SPATA2: variants seen among roughly 807,000 people sequenced by gnomAD.
The protein encoded by SPATA2 is spermatogenesis-associated protein 2.
SPATA2 carries 8 observed loss-of-function variants against 35.4 expected under a neutral mutation model. The observed-to-expected ratio is 0.23, with a 90% CI of 0.13 to 0.41. The LOEUF (loss-of-function observed/expected upper bound fraction) is 0.41. Among genes scored for constraint, SPATA2 ranks in the 10% least tolerant of loss-of-function variants. The pLI is 1.00. For missense variants in SPATA2, 650 were observed against 698.7 expected (o/e 0.93, Z 0.79); for synonymous variants, 293 against 300.9 (o/e 0.97, Z 0.27).
Position 49,905,532 on chromosome 20 carries a change from C to T in SPATA2, c.*87G>A. 2 of 1,482,388 alleles carry T rather than the reference C, an allele frequency of 1.3e-6. No individual in the cohort carries two copies. The highest frequency in any genetic ancestry group is 1.8e-6 in the Non-Finnish European group (2 of 1,086,008). The allele number at this position is 1,482,388 out of a possible 1,614,324, so 91.8% of individuals were successfully genotyped here. On this transcript the variant is annotated 3_prime_UTR_variant, in exon 3 of 3. Coordinates refer to ENST00000289431, the MANE Select transcript of SPATA2 (RefSeq NM_006038.4). The stretch of plus-strand genomic sequence containing the variant: ...CATGGTCAAGTGCAGGCCTCCGCCT[C>T]TGAGATCAATGCGTTAGTACTTCTT...
At position 49,904,024 on chromosome 20, in the gene SPATA2, TCA is replaced by T. The variant is rs1284335519; in HGVS notation, c.*1593_*1594del. ...CTGAGTTGGAAGAACATCAGCAAAT[TCA>T]CAGTGGCCTCAGGATTCAGCCAGAC... On this transcript the variant is annotated 3_prime_UTR_variant, in exon 3 of 3. Coordinates refer to ENST00000289431, the MANE Select transcript of SPATA2 (RefSeq NM_006038.4). 7 of 149,518 alleles carry T rather than the reference TCA, an allele frequency of 4.7e-5. No homozygotes were observed. Among genetic ancestry groups the T allele is most frequent in the African/African-American group, 1.5e-4 (6 of 40,112 alleles). 9.3% of individuals were successfully genotyped at this position (149,518 alleles called of 1,614,324 possible).
At chr20:49,910,320 C>T (rs148843574) in intron 1 of SPATA2, among the ~76,000 whole-genome samples, 284 of 152,246 alleles carry the variant, frequency 1.9e-3, no homozygotes, top group Middle Eastern at 3.4e-3. Context: ...CCAGAGCTGG[C>T]GAGAGGATTA....
At chr20:49,907,692 A>G (rs2090156458) in intron 2 of SPATA2, among the ~76,000 whole-genome samples, 1 of 151,064 alleles carries the variant, frequency 6.6e-6, no homozygotes, top group African/African-American at 2.4e-5. Flanking sequence ...TCCCTCTCTC[A>G]ATTCCCCCTC....
At position 49,903,948 on chromosome 20, in the gene SPATA2, TATATTA is replaced by T. The variant is rs1466486457; in HGVS notation, c.*1665_*1670del. 4.6e-5 allele frequency: 4 copies of T among 86,696 alleles called. No individual in the cohort carries two copies. Among genetic ancestry groups the T allele is most frequent in the South Asian group, 3.8e-4 (1 of 2,636 alleles). The allele number at this position is 86,696 out of a possible 1,614,324, so 5.4% of individuals were successfully genotyped here. ...ATATATATATATATATATATATATA[TATATTA>T]AAAAGAGAGCCATAGAAGATTTGGA... On this transcript the variant is annotated 3_prime_UTR_variant, in exon 3 of 3. Coordinates refer to ENST00000289431, the MANE Select transcript of SPATA2 (RefSeq NM_006038.4).
Position 49,908,531 on chromosome 20 carries a change from G to A in SPATA2, c.-41C>T. The A allele has an allele frequency of 6.6e-7, 1 of 1,504,774 alleles. No homozygotes were observed. The highest frequency in any genetic ancestry group is 9.1e-7 in the Non-Finnish European group (1 of 1,104,900). 93.2% of individuals were successfully genotyped at this position (1,504,774 alleles called of 1,614,324 possible). A position where few individuals can be genotyped will look rare whatever the true frequency, so the allele number is the denominator to read the frequency against. On this transcript the variant is annotated 5_prime_UTR_variant, in exon 2 of 3. Transcript: ENST00000289431. ...TACCTTATCTCCTCCATGGCTTCTG[G>A]ATTAGAGGCAGGGACATCACTAAAA...
In SPATA2 at chr20:49,906,024, G is replaced by A. The variant is rs142896893; in HGVS notation, c.1158C>T (p.Cys386=). Residue 386 remains cysteine, a synonymous_variant, in exon 3 of 3, where the codon TGC becomes TGT. Transcript: ENST00000289431. This position sits in a 1 kb window ranked among gnomAD's most constrained non-coding sequence, Gnocchi z 8.2. Reference sequence around the variant, plus strand: ...AGAGGGAGGAGCTGCAGGACAGCCCGCAGCTTTGGCACTTGGAGAGGGCGG... The same window carrying A: ...AGAGGGAGGAGCTGCAGGACAGCCCACAGCTTTGGCACTTGGAGAGGGCGG... ...KESALSKCQS[C]GLSCSSSLCQ... 1.6e-4 allele frequency: 261 copies of A among 1,605,188 alleles called. No homozygotes were observed. Among genetic ancestry groups the A allele is most frequent in the Middle Eastern group, 5.0e-4 (3 of 6,052 alleles).
intron 1 of SPATA2, 143 bp from the exon 2 acceptor site, chr20:49,908,735 G>A: frequency 2.0e-6 from 1 of 500,968 alleles, no homozygotes; most frequent in East Asian, 3.2e-5. Flanking sequence ...ACTACAAGCA[G>A]GGTTACAACA....
In SPATA2 at chr20:49,905,260, T is replaced by C. The variant is rs2090133201; in HGVS notation, c.*359A>G. 4.8e-6 allele frequency: 1 copy of C among 208,362 alleles called. No homozygotes were observed. The highest frequency in any genetic ancestry group is 9.8e-6 in the Non-Finnish European group (1 of 102,114). 12.9% of individuals were successfully genotyped at this position (208,362 alleles called of 1,614,324 possible). ...CAAGTTGGCTTTGCAATGGGAGGGG[T>C]AGGTGCAGCGAGGGTCCCAGAGACA... On this transcript the variant is annotated 3_prime_UTR_variant, in exon 3 of 3. Coordinates refer to ENST00000289431, the MANE Select transcript of SPATA2 (RefSeq NM_006038.4).
rs1181970463 is a variant in SPATA2 at position 49,915,430 on chromosome 20, G to C, written c.-153C>G. The C allele has an allele frequency of 1.3e-5, 2 of 152,218 alleles. No individual in the cohort carries two copies. The highest frequency in any genetic ancestry group is 2.4e-5 in the African/African-American group (1 of 41,452). The allele number at this position is 152,218 out of a possible 1,614,324, so 9.4% of individuals were successfully genotyped here. A position where few individuals can be genotyped will look rare whatever the true frequency, so the allele number is the denominator to read the frequency against. On this transcript the variant is annotated 5_prime_UTR_variant, in exon 1 of 3. Coordinates refer to ENST00000289431, the MANE Select transcript of SPATA2 (RefSeq NM_006038.4). ...CGGCCGAGGGAAGCAAGCGAGAGGC[G>C]CGGCTGCCGCCGGAGCCGGGCCCCG...
Position 49,904,727 on chromosome 20 carries a change from C to T in SPATA2, c.*892G>A, listed in dbSNP as rs1337611318. On this transcript the variant is annotated 3_prime_UTR_variant, in exon 3 of 3. Coordinates refer to ENST00000289431, the MANE Select transcript of SPATA2 (RefSeq NM_006038.4). The stretch of plus-strand genomic sequence containing the variant: ...CTCGGGCCATAGTGAGTGGAGGATA[C>T]AACACGAATGGGCGCGAGGCCCTCC... The T allele has an allele frequency of 6.6e-6, 1 of 152,666 alleles. No homozygotes were observed. Among genetic ancestry groups the T allele is most frequent in the African/African-American group, 2.4e-5 (1 of 41,458 alleles). The allele number at this position is 152,666 out of a possible 1,614,324, so 9.5% of individuals were successfully genotyped here. A position where few individuals can be genotyped will look rare whatever the true frequency, so the allele number is the denominator to read the frequency against.
chr20:49,915,068 G>C (rs1006354433), intron 1 of SPATA2, among the ~76,000 whole-genome samples: 2 of 152,178 alleles, frequency 1.3e-5, no homozygotes, highest in Admixed American at 1.3e-4. Context: ...GAACCCCTGC[G>C]CGGTAACTGC....
intron 1 of SPATA2, among the ~76,000 whole-genome samples, chr20:49,911,668 A>C (rs1265857719): frequency 7.0e-6 from 1 of 142,818 alleles, no homozygotes; most frequent in Non-Finnish European, 1.5e-5. Flanking sequence ...CTCCGTCTCT[A>C]AAAAAAAAAA....
chr20:49,912,565 T>C (rs953504780), intron 1 of SPATA2, among the ~76,000 whole-genome samples: 1 of 152,202 alleles, frequency 6.6e-6, no homozygotes, highest in Non-Finnish European at 1.5e-5. Context: ...TTTTTGGTAG[T>C]CTGAGAACCA....
Position 49,903,898 on chromosome 20 carries a change from GATAGATAT to G in SPATA2, c.*1713_*1720del, listed in dbSNP as rs1172335852. On this transcript the variant is annotated 3_prime_UTR_variant, in exon 3 of 3. Transcript: ENST00000289431. ...CTGTACATCTACATGTGATCTACCA[GATAGATAT>G]ATATATATATATATATATATATATA... is the stretch of plus-strand genomic sequence containing the variant. 0.012 allele frequency: 1,055 copies of G among 86,026 alleles called. 55 individuals are homozygous for G. Among genetic ancestry groups the G allele is most frequent in the African/African-American group, 0.032 (693 of 21,442 alleles). The allele number at this position is 86,026 out of a possible 1,614,324, so 5.3% of individuals were successfully genotyped here. A position where few individuals can be genotyped will look rare whatever the true frequency, so the allele number is the denominator to read the frequency against.
rs754874087 is a variant in SPATA2 at position 49,906,571 on chromosome 20, A to G, written c.611T>C (p.Val204Ala). The part of the protein sequence containing the change: ...VSERKSSAED[V>A]RGCSDALRRR... ...CCGCAGGGCGTCCGAGCAGCCGCGC[A>G]CATCCTCTGCACTGCTCTTGCGCTC... Residue 204 changes from valine to alanine, a missense_variant, in exon 3 of 3, where the codon GTG becomes GCG. By Grantham distance (64) the Val-to-Ala change is moderately conservative. Transcript: ENST00000289431. The surrounding 1 kb of genome is among the most constrained non-coding windows in gnomAD (Gnocchi z 8.2). The G allele has an allele frequency of 1.2e-6, 2 of 1,614,148 alleles. No homozygotes were observed. Among genetic ancestry groups the G allele is most frequent in the Admixed American group, 3.3e-5 (2 of 60,028 alleles).
rs1262087537 is a variant in SPATA2, at chr20:49,905,448, T to G, written c.*171A>C. On this transcript the variant is annotated 3_prime_UTR_variant, in exon 3 of 3. Transcript: ENST00000289431. ...AACAAAGCAGCCATTGGTTGAGATATCTGAGTCGCTAAGTGAACTCCCACG... is the reference window on the plus strand; with the variant it reads ...AACAAAGCAGCCATTGGTTGAGATAGCTGAGTCGCTAAGTGAACTCCCACG... 7.7e-6 allele frequency: 5 copies of G among 647,682 alleles called. No homozygotes were observed. Among genetic ancestry groups the G allele is most frequent in the East Asian group, 2.7e-5 (1 of 36,466 alleles). 40.1% of individuals were successfully genotyped at this position (647,682 alleles called of 1,614,324 possible).
At chr20:49,912,933 T>A (rs1401741505) in intron 1 of SPATA2, among the ~76,000 whole-genome samples, 4 of 126,200 alleles carry the variant, frequency 3.2e-5, no homozygotes, top group Non-Finnish European at 6.7e-5. Context: ...TTAGACTCCG[T>A]CTCTACAAAA....
chr20:49,905,997 G>A lies in SPATA2; in HGVS notation c.1185C>T (p.Cys395=), dbSNP rs1359563764. The change falls in exon 3 of 3, where the codon TGC becomes TGT. Residue 395 remains cysteine (C), a synonymous_variant. Transcript: ENST00000289431. ...AGGTGAGCAGGCTGTCACAGCGCTG[G>A]CAGAGGGAGGAGCTGCAGGACAGCC... is the stretch of plus-strand genomic sequence containing the variant. ...SCGLSCSSSL[C]QRCDSLLTCP... 2 of 1,607,082 alleles carry A rather than the reference G, an allele frequency of 1.2e-6. No individual in the cohort carries two copies. Among genetic ancestry groups the A allele is most frequent in the Admixed American group, 1.7e-5 (1 of 60,018 alleles).
At position 49,906,990 on chromosome 20, in the gene SPATA2, T is replaced by A. The variant is rs1311824119; in HGVS notation, c.337-145A>T. ...GGGAAGGATCTCGACAGCCTCACCCTGCGGGAGGCAGAAGACGCAGGAGCT... is the reference window on the plus strand; with the variant it reads ...GGGAAGGATCTCGACAGCCTCACCCAGCGGGAGGCAGAAGACGCAGGAGCT... On this transcript the variant is annotated intron_variant, in intron 2 of 2. Coordinates refer to ENST00000289431, the MANE Select transcript of SPATA2 (RefSeq NM_006038.4). The surrounding 1 kb of genome is among the most constrained non-coding windows in gnomAD (Gnocchi z 8.2). 4 of 854,074 alleles carry A rather than the reference T, an allele frequency of 4.7e-6. No individual in the cohort carries two copies. Among genetic ancestry groups the A allele is most frequent in the Admixed American group, 2.9e-5 (1 of 34,414 alleles). 52.9% of individuals were successfully genotyped at this position (854,074 alleles called of 1,614,324 possible).
Sources: gnomAD v4.1 joint callset for allele counts (sites outside exome capture counted in the v4.1 genomes callset) on GRCh38, gnomAD v4.1.1 for gene constraint, Gnocchi (gnomAD v3.1) non-coding constraint, MANE v1.5 for transcripts, NCBI Gene and HGNC (gene_info 2026-07-23, HGNC 2026-07-21) for gene names.